THSD4: variants seen among roughly 807,000 people sequenced by gnomAD.
THSD4 encodes the protein thrombospondin type-1 domain-containing protein 4.
Under a neutral mutation model 119.0 loss-of-function variants are expected in THSD4, and 69 were observed. The observed-to-expected ratio is 0.58, with a 90% CI of 0.48 to 0.71. THSD4 has a LOEUF of 0.71. Ranked by LOEUF, THSD4 falls within the 30% of genes least tolerant of loss-of-function variation. THSD4 has a pLI of 0.00. For synonymous variants in THSD4, 524 were observed against 540.4 expected (o/e 0.97, Z 0.42); for missense variants, 1,393 against 1,391.1 (o/e 1.00, Z -0.02).
At chr15:71,519,815 G>T (rs1376148625) in intron 7 of THSD4, among the ~76,000 whole-genome samples, 1 of 152,220 alleles carries the variant, frequency 6.6e-6, no homozygotes, top group Non-Finnish European at 1.5e-5. Context: ...AAACAGCAAA[G>T]GGGGAGAGTG....
chr15:71,510,067 A>G (rs1436019278), intron 7 of THSD4, among the ~76,000 whole-genome samples: 1 of 152,224 alleles, frequency 6.6e-6, no homozygotes, highest in African/African-American at 2.4e-5. Flanking sequence ...GAATAACCCT[A>G]GAGCTGTGTG....
At position 71,182,932 on chromosome 15, in the gene THSD4, A is replaced by T. The variant is rs146211065; in HGVS notation, c.99+28000A>T. 5.2e-3 allele frequency among the ~76,000 whole-genome samples: 788 copies of T among 151,794 alleles called. 16 individuals are homozygous for T. The highest frequency in any genetic ancestry group is 6.4e-3 in the South Asian group (30 of 4,722). The stretch of plus-strand genomic sequence containing the variant: ...CTCTTTGTATTTTTTTATACATTTG[A>T]TGCATGCTTTTGCTTATAGCCATGT... On this transcript the variant is annotated intron_variant, in intron 3 of 17. Transcript: ENST00000261862.
At position 71,777,352 on chromosome 15, in the gene THSD4, C is replaced by T. The variant is rs137930251; in HGVS notation, c.3035C>T (p.Thr1012Met). Residue 1012 changes from threonine to methionine, a missense_variant, in exon 18 of 18, where the codon ACG becomes ATG. By Grantham distance (81) the Thr-to-Met change is moderately conservative (BLOSUM62 -1). Transcript: ENST00000261862. ...ASCTRVANRQ[T>M]GFLGSR ...TGCACCCGTGTGGCCAACAGGCAGA[C>T]GGGCTTCCTGGGGAGCAGATAACAC... 2.1e-4 allele frequency: 346 copies of T among 1,614,104 alleles called. 2 individuals are homozygous for T. In the African/African-American group the frequency reaches 3.3e-3, roughly 15 times the overall value.
intron 6 of THSD4, among the ~76,000 whole-genome samples, chr15:71,384,401 T>C (rs1010186997): frequency 1.3e-5 from 2 of 151,666 alleles, no homozygotes; most frequent in Admixed American, 6.6e-5. Context: ...AACAAAAACA[T>C]GAAACTATTT....
chr15:71,768,645 A>G (rs925613630), intron 16 of THSD4, among the ~76,000 whole-genome samples: 2 of 144,532 alleles, frequency 1.4e-5, no homozygotes, highest in African/African-American at 5.1e-5. Context: ...GCTCACTGCA[A>G]CCTCTGCCTC....
intron 6 of THSD4, among the ~76,000 whole-genome samples, chr15:71,365,409 A>T (rs181130004): frequency 1.1e-3 from 160 of 151,968 alleles, no homozygotes; most frequent in African/African-American, 3.5e-3. Flanking sequence ...TAGGAGCCTA[A>T]CCCCAGGGCA....
intron 7 of THSD4, among the ~76,000 whole-genome samples, chr15:71,650,954 T>A (rs2051074578): frequency 6.6e-6 from 1 of 152,106 alleles, no homozygotes; most frequent in Non-Finnish European, 1.5e-5. Context: ...AGGATTCCTA[T>A]CCAAAAAGCT....
At chr15:71,594,493 CTG>C (rs1010261616) in intron 7 of THSD4, among the ~76,000 whole-genome samples, 9 of 152,278 alleles carry the variant, frequency 5.9e-5, no homozygotes, top group African/African-American at 2.2e-4. Context: ...TTTCTGCCCT[CTG>C]TGAGCCAGCC....
chr15:71,513,311 T>C (rs993775066), intron 7 of THSD4, among the ~76,000 whole-genome samples: 1 of 152,232 alleles, frequency 6.6e-6, no homozygotes, highest in Non-Finnish European at 1.5e-5. Context: ...TGTTACAGCA[T>C]TGTCTAATTG....
chr15:71,299,970 A>ATATAT (rs1183840842), intron 6 of THSD4, among the ~76,000 whole-genome samples: 44 of 76,014 alleles, frequency 5.8e-4, no homozygotes, highest in Non-Finnish European at 2.8e-4. Flanking sequence ...CAAAAAAAAA[A>ATATAT]AAAAAAATAT....
intron 6 of THSD4, among the ~76,000 whole-genome samples, chr15:71,262,504 T>G (rs746017797): frequency 5.3e-5 from 8 of 152,226 alleles, no homozygotes; most frequent in Admixed American, 2.0e-4. Context: ...CCAAGGGTAA[T>G]GGGGCTGCAG....
At chr15:71,314,416 C>T (rs1024701180) in intron 6 of THSD4, among the ~76,000 whole-genome samples, 37 of 152,242 alleles carry the variant, frequency 2.4e-4, no homozygotes, top group African/African-American at 8.9e-4. Context: ...AAGCGATTCT[C>T]CTGCCTCAGC....
chr15:71,360,262 C>T (rs1424767680), intron 6 of THSD4, among the ~76,000 whole-genome samples: 1 of 152,116 alleles, frequency 6.6e-6, no homozygotes, highest in Admixed American at 6.5e-5. Flanking sequence ...GCCAACTTTC[C>T]CCAGAACAAG....
intron 8 of THSD4, among the ~76,000 whole-genome samples, chr15:71,707,193 C>T (rs2052408836): frequency 6.6e-6 from 1 of 151,960 alleles, no homozygotes; most frequent in Admixed American, 6.5e-5. Flanking sequence ...TGGGAGAAAC[C>T]CAAAGTTAAG....
intron 7 of THSD4, among the ~76,000 whole-genome samples, chr15:71,582,062 A>G (rs2049570192): frequency 1.3e-5 from 2 of 152,110 alleles, no homozygotes; most frequent in African/African-American, 4.8e-5. Flanking sequence ...TGTAATTTTA[A>G]TAAGGATTGC....
At chr15:71,596,910 A>T (rs1214351338) in intron 7 of THSD4, among the ~76,000 whole-genome samples, 1 of 152,170 alleles carries the variant, frequency 6.6e-6, no homozygotes, top group African/African-American at 2.4e-5. Context: ...GCAGCCAAAG[A>T]GGGCGTGTGG....
intron 6 of THSD4, among the ~76,000 whole-genome samples, chr15:71,378,510 C>T (rs2046181019): frequency 6.6e-6 from 1 of 152,164 alleles, no homozygotes; most frequent in East Asian, 1.9e-4. Flanking sequence ...AAGACAAGGT[C>T]CCATCATCCT....
intron 6 of THSD4, among the ~76,000 whole-genome samples, chr15:71,297,019 T>C (rs2044871755): frequency 1.3e-5 from 2 of 152,224 alleles, no homozygotes. Flanking sequence ...CCTGCTTCCA[T>C]TATTATACAT....
At chr15:71,263,331 G>GTGTATA (rs1555458973) in intron 6 of THSD4, among the ~76,000 whole-genome samples, 8 of 138,894 alleles carry the variant, frequency 5.8e-5, no homozygotes, top group East Asian at 2.0e-4. Context: ...GTATTCCATG[G>GTGTATA]TATATATATA....
Sources: allele counts gnomAD v4.1 joint callset (sites outside exome capture counted in the v4.1 genomes callset), GRCh38; gene constraint gnomAD v4.1.1; transcripts MANE v1.5; gene names NCBI Gene and HGNC (gene_info 2026-07-23, HGNC 2026-07-21).